NEGR1: variants seen among roughly 807,000 people sequenced by gnomAD.
NEGR1 encodes the protein neuronal growth regulator 1.
Under a neutral mutation model 40.9 loss-of-function variants are expected in NEGR1, and 10 were observed. That is an observed-to-expected ratio of 0.24 (90% CI 0.15 to 0.42). NEGR1 has a LOEUF of 0.42. Among genes scored for constraint, NEGR1 ranks in the 10% least tolerant of loss-of-function variants. NEGR1 has a pLI of 1.00. For synonymous variants in NEGR1, 185 were observed against 166.8 expected (o/e 1.11, Z -0.84); for missense variants, 352 against 438.9 (o/e 0.80, Z 1.77).
At chr1:71,791,328 G>A (rs1029715009) in intron 2 of NEGR1, among the ~76,000 whole-genome samples, 5 of 151,786 alleles carry the variant, frequency 3.3e-5, no homozygotes, top group East Asian at 1.9e-4. Flanking sequence ...TTTTACTGTC[G>A]TGTGTTATCT....
intron 1 of NEGR1, among the ~76,000 whole-genome samples, chr1:72,217,705 G>A (rs1653869237): frequency 6.6e-6 from 1 of 151,778 alleles, no homozygotes; most frequent in South Asian, 2.1e-4. Context: ...TTTAAATAAT[G>A]ATTTGTCTTT....
intron 4 of NEGR1, among the ~76,000 whole-genome samples, chr1:71,663,197 G>T (rs7515222): frequency 0.98 from 149,618 of 152,174 alleles, 73,592 homozygotes; most frequent in Middle Eastern, 1. Context: ...GACCTCGTGA[G>T]CTGCCTGCCT....
intron 1 of NEGR1, among the ~76,000 whole-genome samples, chr1:72,065,624 G>T (rs1647253391): frequency 6.6e-6 from 1 of 152,076 alleles, no homozygotes; most frequent in African/African-American, 2.4e-5. Context: ...CCACTGTTCT[G>T]TTAAGGTTGA....
At chr1:71,931,716 C>G (rs922531851) in intron 2 of NEGR1, among the ~76,000 whole-genome samples, 1 of 152,116 alleles carries the variant, frequency 6.6e-6, no homozygotes, top group Non-Finnish European at 1.5e-5. Flanking sequence ...TTGTTCCTTT[C>G]AAGATTAATT....
chr1:72,201,960 T>C (rs1321987262), intron 1 of NEGR1, among the ~76,000 whole-genome samples: 1 of 151,960 alleles, frequency 6.6e-6, no homozygotes, highest in Non-Finnish European at 1.5e-5. Flanking sequence ...AATTGAAGTT[T>C]TGTGGCATCC....
intron 2 of NEGR1, among the ~76,000 whole-genome samples, chr1:71,778,425 GTGTC>G (rs1230431255): frequency 1.3e-5 from 2 of 152,120 alleles, no homozygotes; most frequent in Non-Finnish European, 2.9e-5. Flanking sequence ...CTGTGGTTAA[GTGTC>G]TGAGCACGTT....
intron 3 of NEGR1, among the ~76,000 whole-genome samples, chr1:71,773,279 C>G (rs894953048): frequency 6.6e-6 from 1 of 152,158 alleles, no homozygotes; most frequent in Non-Finnish European, 1.5e-5. Context: ...ATCAATCAGA[C>G]ACATACAAAA....
At chr1:71,414,205 G>A (rs983812500) in intron 6 of NEGR1, among the ~76,000 whole-genome samples, 5 of 152,144 alleles carry the variant, frequency 3.3e-5, no homozygotes, top group African/African-American at 9.7e-5. Context: ...GAACACATAC[G>A]TTTACTGAGA....
chr1:71,988,493 T>G (rs1000686748), intron 1 of NEGR1, among the ~76,000 whole-genome samples: 15 of 131,658 alleles, frequency 1.1e-4, no homozygotes, highest in African/African-American at 4.4e-4. Context: ...GAGCCGAGAT[T>G]GCGCCACTGC....
chr1:71,768,755 G>C (rs567981025), intron 3 of NEGR1, among the ~76,000 whole-genome samples: 1 of 152,278 alleles, frequency 6.6e-6, no homozygotes, highest in African/African-American at 2.4e-5. Context: ...AGTCTCATGT[G>C]AATTGTAATC....
chr1:71,783,209 C>T (rs1430028804), intron 2 of NEGR1, among the ~76,000 whole-genome samples: 2 of 152,052 alleles, frequency 1.3e-5, no homozygotes, highest in African/African-American at 4.8e-5. Context: ...TTTTTGCACT[C>T]CCATATCTGG....
chr1:71,764,104 A>G (rs1390291182), intron 3 of NEGR1, among the ~76,000 whole-genome samples: 2 of 152,248 alleles, frequency 1.3e-5, no homozygotes, highest in Non-Finnish European at 2.9e-5. Flanking sequence ...GGTGACATGA[A>G]GTACTATATA....
At chr1:72,192,494 A>G (rs990385178) in intron 1 of NEGR1, among the ~76,000 whole-genome samples, 5 of 151,896 alleles carry the variant, frequency 3.3e-5, no homozygotes, top group African/African-American at 1.2e-4. Context: ...TACTGATTCC[A>G]CATACCTTCC....
rs148759541 is a variant in NEGR1 at position 71,810,192 on chromosome 1, C to T, written c.410-33895G>A. On this transcript the variant is annotated intron_variant, in intron 2 of 6. Transcript: ENST00000357731. ...AGGCAGAGGTTAAGCTACCCTTAAC[C>T]TATGCTTTGGTTAAGCTTTCCTTTG... is the stretch of plus-strand genomic sequence containing the variant. 2.2e-3 allele frequency among the ~76,000 whole-genome samples: 333 copies of T among 152,184 alleles called. 1 individual carries two copies. The highest frequency in any genetic ancestry group is 7.5e-3 in the African/African-American group (313 of 41,526).
rs573649513 is a variant in NEGR1 at position 72,027,038 on chromosome 1, G to A, written c.177-91727C>T. Among the ~76,000 whole-genome samples, 57 of 152,036 alleles carry A rather than the reference G, an allele frequency of 3.7e-4. 2 individuals are homozygous for A. In the South Asian group the frequency reaches 0.011, roughly 30 times the overall value. Reference sequence around the variant, plus strand: ...CCTGCCAGATTCATGCCATTCTCCCGCCTCAACGTCCAGAGCAGGTGGGAC... The same window carrying A: ...CCTGCCAGATTCATGCCATTCTCCCACCTCAACGTCCAGAGCAGGTGGGAC... On this transcript the variant is annotated intron_variant, in intron 1 of 6. Transcript: ENST00000357731.
chr1:72,031,171 C>A (rs1470150425), intron 1 of NEGR1, among the ~76,000 whole-genome samples: 1 of 152,158 alleles, frequency 6.6e-6, no homozygotes, highest in Non-Finnish European at 1.5e-5. Flanking sequence ...GAAGAGGTGG[C>A]TTACATCAGC....
At chr1:71,887,092 G>A (rs570531071) in intron 2 of NEGR1, among the ~76,000 whole-genome samples, 1 of 152,260 alleles carries the variant, frequency 6.6e-6, no homozygotes, top group East Asian at 1.9e-4. Flanking sequence ...ATTATACACT[G>A]TATTCTTACA....
chr1:72,157,819 C>A (rs2100367681), intron 1 of NEGR1, among the ~76,000 whole-genome samples: 1 of 152,248 alleles, frequency 6.6e-6, no homozygotes, highest in South Asian at 2.1e-4. Context: ...TTTTCCATTC[C>A]TTGTACAGGC....
At chr1:71,937,471 G>A (rs114469752) in intron 1 of NEGR1, among the ~76,000 whole-genome samples, 29 of 152,174 alleles carry the variant, frequency 1.9e-4, no homozygotes, top group Admixed American at 5.9e-4. Flanking sequence ...TATGGCCTTC[G>A]TATGTTTTTC....
Sources: gnomAD v4.1 joint callset for allele counts (sites outside exome capture counted in the v4.1 genomes callset) on GRCh38, gnomAD v4.1.1 for gene constraint, MANE v1.5 for transcripts, NCBI Gene and HGNC (gene_info 2026-07-23, HGNC 2026-07-21) for gene names.